The following HS3ST4 variants were observed in gnomAD, a reference collection of about 807,000 sequenced individuals.
HS3ST4 encodes the protein heparan sulfate-glucosamine 3-sulfotransferase 4.
HS3ST4 carries 17 observed loss-of-function variants against 29.2 expected under a neutral mutation model. The ratio of observed to expected loss-of-function variants is 0.58; its 90% CI spans 0.40 to 0.87. The LOEUF is 0.87. Ranked by LOEUF, HS3ST4 falls within the 40% of genes least tolerant of loss-of-function variation. The pLI is 0.00. For synonymous variants in HS3ST4, 314 were observed against 285.7 expected (o/e 1.10, Z -1.00); for missense variants, 627 against 634.5 (o/e 0.99, Z 0.13).
chr16:26,028,131 G>A (rs951836810), intron 1 of HS3ST4, among the ~76,000 whole-genome samples: 1 of 151,912 alleles, frequency 6.6e-6, no homozygotes. Flanking sequence ...AAATTAGCTG[G>A]GTGTAGTAGC....
Position 25,724,112 on chromosome 16 carries a change from CAAAAAAAAAAAAA to C in HS3ST4, c.734+30974_734+30986del, listed in dbSNP as rs56115380. ...CTGGCGACAGAGCGAGACTCCATCT[CAAAAAAAAAAAAA>C]AAAAAAAAAAAATCTACCACCTGCC... On this transcript the variant is annotated intron_variant, in intron 1 of 1. Transcript: ENST00000331351. Among the ~76,000 whole-genome samples the C allele has an allele frequency of 7.8e-5, 6 of 77,268 alleles. No individual in the cohort carries two copies. In the South Asian group the frequency reaches 3.2e-3, roughly 41 times the overall value. 50.7% of individuals were successfully genotyped at this position (77,268 alleles called of 152,430 possible).
chr16:25,828,242 C>CTTTTTCTGTCTGTCTTTCTTTCTT (rs1371928058), intron 1 of HS3ST4, among the ~76,000 whole-genome samples: 9 of 75,032 alleles, frequency 1.2e-4, no homozygotes, highest in African/African-American at 5.2e-4. Context: ...TTCTTTCTTT[C>CTTTTTCTGTCTGTCTTTCTTTCTT]TCTTTCTTTC....
chr16:26,133,500 T>C (rs1899446225), intron 1 of HS3ST4, among the ~76,000 whole-genome samples: 1 of 152,216 alleles, frequency 6.6e-6, no homozygotes, highest in African/African-American at 2.4e-5. Flanking sequence ...CAAACTACTT[T>C]GGAGAATATG....
At chr16:25,883,668 T>G (rs4787777) in intron 1 of HS3ST4, among the ~76,000 whole-genome samples, 1 of 152,146 alleles carries the variant, frequency 6.6e-6, no homozygotes, top group East Asian at 1.9e-4. Context: ...GTGTGGAGTG[T>G]TTACACAGGA....
intron 1 of HS3ST4, among the ~76,000 whole-genome samples, chr16:25,902,425 C>G (rs1294405357): frequency 6.6e-6 from 1 of 151,974 alleles, no homozygotes; most frequent in African/African-American, 2.4e-5. Flanking sequence ...AAGGCTGAAG[C>G]TGCAGTGAGT....
At chr16:25,961,287 G>C (rs1005677912) in intron 1 of HS3ST4, among the ~76,000 whole-genome samples, 2 of 152,204 alleles carry the variant, frequency 1.3e-5, no homozygotes, top group Non-Finnish European at 2.9e-5. Context: ...AAGAAGAGAA[G>C]AGAAGTAGGA....
intron 1 of HS3ST4, among the ~76,000 whole-genome samples, chr16:25,858,147 C>T (rs763421677): frequency 5.3e-5 from 8 of 150,560 alleles, no homozygotes; most frequent in Non-Finnish European, 7.4e-5. Context: ...TGTTCCCTTC[C>T]AACTCATTCC....
At position 26,068,292 on chromosome 16, in the gene HS3ST4, A is replaced by T. The variant is rs984346469; in HGVS notation, c.735-67320A>T. ...CATTGCCACATTCTGTGACCCTAAT[A>T]TGCTATCAGTTGTAGGACACAAAAT... On this transcript the variant is annotated intron_variant, in intron 1 of 1. Transcript: ENST00000331351. 3.3e-5 allele frequency among the ~76,000 whole-genome samples: 5 copies of T among 152,180 alleles called. No individual in the cohort carries two copies. The East Asian group carries it at 9.6e-4, about 29-fold the overall frequency.
chr16:26,058,713 G>A (rs993585161), intron 1 of HS3ST4, among the ~76,000 whole-genome samples: 1 of 152,266 alleles, frequency 6.6e-6, no homozygotes, highest in African/African-American at 2.4e-5. Context: ...CCTCTACTTT[G>A]TTCCACAGGG....
intron 1 of HS3ST4, among the ~76,000 whole-genome samples, chr16:25,779,164 G>A (rs1175080623): frequency 1.3e-5 from 2 of 152,188 alleles, no homozygotes; most frequent in Non-Finnish European, 1.5e-5. Context: ...GGGACTGTGG[G>A]TGGAGTTGGA....
intron 1 of HS3ST4, among the ~76,000 whole-genome samples, chr16:25,879,610 G>A (rs1967872651): frequency 6.6e-6 from 1 of 152,054 alleles, no homozygotes; most frequent in African/African-American, 2.4e-5. Flanking sequence ...CCCACAACAT[G>A]TGGGAATTAT....
intron 1 of HS3ST4, among the ~76,000 whole-genome samples, chr16:25,739,898 G>A (rs2141597152): frequency 6.6e-6 from 1 of 152,308 alleles, no homozygotes; most frequent in Admixed American, 6.5e-5. Context: ...ATCTGTTGAA[G>A]GCTTTTTCTT....
At chr16:26,078,930 C>T (rs1002800150) in intron 1 of HS3ST4, among the ~76,000 whole-genome samples, 1 of 152,170 alleles carries the variant, frequency 6.6e-6, no homozygotes, top group African/African-American at 2.4e-5. Flanking sequence ...AGGAAAACGA[C>T]AGTGTTTGTC....
intron 1 of HS3ST4, among the ~76,000 whole-genome samples, chr16:26,059,939 A>G (rs1480688708): frequency 6.6e-6 from 1 of 151,810 alleles, no homozygotes; most frequent in African/African-American, 2.4e-5. Context: ...CACCACGCCC[A>G]GCTAATTTTT....
chr16:25,855,966 G>T (rs1282827516), intron 1 of HS3ST4, among the ~76,000 whole-genome samples: 1 of 152,006 alleles, frequency 6.6e-6, no homozygotes, highest in Non-Finnish European at 1.5e-5. Context: ...TAAGGCTCTG[G>T]TAAAGTCTTA....
At chr16:25,781,413 C>T (rs894163903) in intron 1 of HS3ST4, among the ~76,000 whole-genome samples, 9 of 152,154 alleles carry the variant, frequency 5.9e-5, no homozygotes, top group Non-Finnish European at 1.3e-4. Flanking sequence ...CTTACTAGTT[C>T]TTCTTCGGCC....
intron 1 of HS3ST4, among the ~76,000 whole-genome samples, chr16:25,846,330 T>C (rs1180595151): frequency 6.6e-6 from 1 of 152,196 alleles, no homozygotes; most frequent in Non-Finnish European, 1.5e-5. Context: ...TGTTAAATTG[T>C]GTTTTGTAAC....
chr16:25,849,120 A>G (rs765797956), intron 1 of HS3ST4, among the ~76,000 whole-genome samples: 80 of 152,234 alleles, frequency 5.3e-4, no homozygotes, highest in Non-Finnish European at 8.5e-4. Flanking sequence ...AATAATGTCT[A>G]CATTTACTGT....
At chr16:25,782,116 G>A (rs1363760121) in intron 1 of HS3ST4, among the ~76,000 whole-genome samples, 1 of 152,154 alleles carries the variant, frequency 6.6e-6, no homozygotes, top group Non-Finnish European at 1.5e-5. Context: ...GCAGGAAGGA[G>A]AAGTGTGTGA....
Sources: gnomAD v4.1 joint callset for allele counts (sites outside exome capture counted in the v4.1 genomes callset) on GRCh38, gnomAD v4.1.1 for gene constraint, MANE v1.5 for transcripts, NCBI Gene and HGNC (gene_info 2026-07-23, HGNC 2026-07-21) for gene names.